Variants in MARCHF1 observed in about 807,000 individuals in gnomAD.
MARCHF1 encodes membrane associated ring-CH-type finger 1.
In MARCHF1, 40 loss-of-function variants were observed where a neutral mutation model predicts 54.2. That is an observed-to-expected ratio of 0.74 (90% confidence interval 0.57 to 0.96). MARCHF1 has a LOEUF of 0.96. MARCHF1 is among the 40% of genes least tolerant of loss of function. The pLI is 0.00. For missense variants in MARCHF1, 586 were observed against 656.5 expected, an observed-to-expected ratio of 0.89 and a Z score of 1.17; for synonymous variants, 236 against 236.3, an observed-to-expected ratio of 1.00 and a Z score of 0.01.
At chr4:164,351,625 C>T (rs1023379061) in intron 1 of MARCHF1, among the ~76,000 whole-genome samples, 1 of 152,090 alleles carries the variant, frequency 6.6e-6, no homozygotes, top group African/African-American at 2.4e-5. Flanking sequence ...TCACCATCAT[C>T]AAGACCAAAA....
chr4:163,979,241 A>G lies in MARCHF1; in HGVS notation c.-39+9260T>C, dbSNP rs1411412525. ...TGTGTCCATGTGATCTCATTGTTCAATTCCCACCTATGAGTGAGAATATGC... is the reference window on the plus strand; with the variant it reads ...TGTGTCCATGTGATCTCATTGTTCAGTTCCCACCTATGAGTGAGAATATGC... On this transcript the variant is annotated intron_variant, in intron 3 of 9. Transcript: ENST00000514618. 2.9e-4 allele frequency among the ~76,000 whole-genome samples: 28 copies of G among 97,054 alleles called. 1 individual carries two copies. In the Admixed American group the frequency reaches 3.4e-3, roughly 12 times the overall value. The allele number at this position is 97,054 out of a possible 152,430, so 63.7% of individuals were successfully genotyped here.
At chr4:164,160,278 C>T (rs1298469629) in intron 1 of MARCHF1, among the ~76,000 whole-genome samples, 1 of 152,106 alleles carries the variant, frequency 6.6e-6, no homozygotes, top group Non-Finnish European at 1.5e-5. Context: ...TAATCTACTA[C>T]ACACCTAGGC....
intron 1 of MARCHF1, among the ~76,000 whole-genome samples, chr4:164,143,916 T>C (rs940289104): frequency 3.9e-5 from 6 of 152,298 alleles, no homozygotes; most frequent in African/African-American, 1.4e-4. Context: ...GTGTGCTGTA[T>C]TCATGAAACC....
intron 1 of MARCHF1, among the ~76,000 whole-genome samples, chr4:164,166,389 A>G (rs1480732764): frequency 6.6e-6 from 1 of 152,034 alleles, no homozygotes; most frequent in African/African-American, 2.4e-5. Flanking sequence ...ATCCAAAAAA[A>G]TCTTACATTA....
chr4:164,110,660 G>A (rs1277661824), intron 2 of MARCHF1, among the ~76,000 whole-genome samples: 3 of 149,216 alleles, frequency 2.0e-5, no homozygotes, highest in African/African-American at 4.9e-5. Context: ...ACTATGAGGC[G>A]ATACAATCAT....
At chr4:164,216,380 C>T (rs780131311) in intron 1 of MARCHF1, among the ~76,000 whole-genome samples, 2 of 152,106 alleles carry the variant, frequency 1.3e-5, no homozygotes, top group Non-Finnish European at 2.9e-5. Flanking sequence ...TATTGTTAAA[C>T]ATTCTTTTAA....
chr4:164,272,507 A>C (rs547176772), intron 1 of MARCHF1, among the ~76,000 whole-genome samples: 28 of 152,276 alleles, frequency 1.8e-4, no homozygotes, highest in African/African-American at 6.7e-4. Context: ...AAAAGTAAGA[A>C]GCTGAAGAAG....
At chr4:163,768,268 C>T (rs570921233) in intron 4 of MARCHF1, among the ~76,000 whole-genome samples, 38 of 152,240 alleles carry the variant, frequency 2.5e-4, no homozygotes, top group Admixed American at 2.4e-3. Context: ...TCCAATTTTT[C>T]AACTGACACA....
chr4:164,049,055 A>G (rs1754299601), intron 2 of MARCHF1, among the ~76,000 whole-genome samples: 1 of 152,204 alleles, frequency 6.6e-6, no homozygotes, highest in South Asian at 2.1e-4. Flanking sequence ...TTTCAGGTTC[A>G]TTTTCACACT....
intron 1 of MARCHF1, among the ~76,000 whole-genome samples, chr4:164,199,681 C>CACACACAGAG (rs1462208986): frequency 6.3e-5 from 3 of 47,658 alleles, no homozygotes; most frequent in Admixed American, 2.6e-4. Flanking sequence ...CACACACACA[C>CACACACAGAG]AGAGAGAGAG....
chr4:164,131,583 T>C (rs1480762566), intron 1 of MARCHF1, among the ~76,000 whole-genome samples: 1 of 152,128 alleles, frequency 6.6e-6, no homozygotes, highest in African/African-American at 2.4e-5. Flanking sequence ...TACCTCTTAT[T>C]TTGTATGATT....
At chr4:164,236,158 A>G (rs13434933) in intron 1 of MARCHF1, among the ~76,000 whole-genome samples, 2,603 of 152,238 alleles carry the variant, frequency 0.017, 74 homozygotes, top group African/African-American at 0.059. Context: ...TGTCAGTCCC[A>G]CTAGTTTATG....
chr4:163,881,474 A>C (rs924364073), intron 3 of MARCHF1, among the ~76,000 whole-genome samples: 20 of 144,178 alleles, frequency 1.4e-4, no homozygotes, highest in Non-Finnish European at 3.1e-4. Flanking sequence ...TCCATCTCAA[A>C]AGAAAAAAAA....
chr4:163,604,436 T>A (rs114207910), intron 7 of MARCHF1, among the ~76,000 whole-genome samples: 1 of 152,206 alleles, frequency 6.6e-6, no homozygotes, highest in Non-Finnish European at 1.5e-5. Flanking sequence ...CTTGATTTAG[T>A]TTCAAACATT....
chr4:163,555,039 A>T (rs1739237459), intron 8 of MARCHF1, among the ~76,000 whole-genome samples: 2 of 152,218 alleles, frequency 1.3e-5, no homozygotes, highest in African/African-American at 4.8e-5. Context: ...AAAGGTGCTG[A>T]GTAAAATCAT....
chr4:164,026,073 G>C (rs547646299), intron 2 of MARCHF1, among the ~76,000 whole-genome samples: 1 of 152,052 alleles, frequency 6.6e-6, no homozygotes, highest in East Asian at 1.9e-4. Context: ...AATTTAATCA[G>C]TAATAAAAAG....
Position 164,104,045 on chromosome 4 carries a change from C to T in MARCHF1, c.-248+7543G>A, listed in dbSNP as rs1755634603. ...ATGGATAAATTCCTGGACACATGCA[C>T]TCTCCCAAGACTAAACCAGGAAGAA... On this transcript the variant is annotated intron_variant, in intron 2 of 9. Transcript: ENST00000514618. Among the ~76,000 whole-genome samples the T allele has an allele frequency of 2.0e-5, 3 of 151,680 alleles. No individual in the cohort carries two copies. In the South Asian group the frequency reaches 6.2e-4, roughly 31 times the overall value.
At chr4:164,065,295 A>G (rs1754703367) in intron 2 of MARCHF1, among the ~76,000 whole-genome samples, 1 of 152,194 alleles carries the variant, frequency 6.6e-6, no homozygotes, top group South Asian at 2.1e-4. Flanking sequence ...TTAATTCAAG[A>G]TGAATTAAAG....
intron 5 of MARCHF1, among the ~76,000 whole-genome samples, chr4:163,674,964 T>C (rs1480274307): frequency 2.0e-5 from 3 of 152,160 alleles, no homozygotes; most frequent in Non-Finnish European, 4.4e-5. Context: ...TTCTAGATGA[T>C]AGCTCTAAAG....
Sources: gnomAD v4.1 joint callset for allele counts (sites outside exome capture counted in the v4.1 genomes callset) on GRCh38, gnomAD v4.1.1 for gene constraint, MANE v1.5 for transcripts, NCBI Gene and HGNC (gene_info 2026-07-23, HGNC 2026-07-21) for gene names.